Variants in MEIKIN observed in about 807,000 individuals in gnomAD.
MEIKIN encodes the protein meiotic kinetochore factor, also known as meiosis-specific kinetochore protein.
intron 4 of MEIKIN, among the ~76,000 whole-genome samples, chr5:131,939,788 T>C (rs1428527206): frequency 1.3e-5 from 2 of 152,214 alleles, no homozygotes; most frequent in Non-Finnish European, 1.5e-5. Context: ...TAGAGACAAC[T>C]AATTTTCTAT....
intron 11 of MEIKIN, among the ~76,000 whole-genome samples, chr5:131,833,789 G>A (rs1226499694): frequency 6.6e-6 from 1 of 152,192 alleles, no homozygotes; most frequent in Non-Finnish European, 1.5e-5. Context: ...TTCAAGTTGA[G>A]ATTTGGGTGG....
chr5:131,908,778 G>A (rs1350855455), intron 8 of MEIKIN, among the ~76,000 whole-genome samples: 1 of 152,130 alleles, frequency 6.6e-6, no homozygotes, highest in Non-Finnish European at 1.5e-5. Flanking sequence ...ATTTTCATAT[G>A]CCAACTGTGA....
chr5:131,895,692 T>C (rs1333278743), intron 8 of MEIKIN, among the ~76,000 whole-genome samples: 1 of 152,222 alleles, frequency 6.6e-6, no homozygotes, highest in African/African-American at 2.4e-5. Flanking sequence ...GTTTATATTA[T>C]TTTCTGATAG....
At chr5:131,834,792 T>C (rs777529332) in intron 11 of MEIKIN, among the ~76,000 whole-genome samples, 15 of 152,212 alleles carry the variant, frequency 9.9e-5, no homozygotes, top group Admixed American at 6.5e-4. Context: ...CTCTTTGAGA[T>C]ACCGATTTCA....
intron 8 of MEIKIN, among the ~76,000 whole-genome samples, chr5:131,904,947 G>C (rs777758652): frequency 3.3e-5 from 5 of 152,032 alleles, no homozygotes; most frequent in Non-Finnish European, 7.4e-5. Context: ...AGAACACATG[G>C]ACACAGGGAG....
intron 8 of MEIKIN, among the ~76,000 whole-genome samples, chr5:131,894,810 G>T (rs988865983): frequency 1.3e-5 from 2 of 152,124 alleles, no homozygotes; most frequent in Non-Finnish European, 2.9e-5. Flanking sequence ...CTGTGACGAT[G>T]GGGTTTTCTA....
chr5:131,922,702 T>C (rs935697502), intron 5 of MEIKIN, among the ~76,000 whole-genome samples: 2 of 152,146 alleles, frequency 1.3e-5, no homozygotes, highest in Non-Finnish European at 2.9e-5. Context: ...TATTCGCCCA[T>C]CCCCACCTTT....
At chr5:131,890,892 G>A (rs1273460558) in intron 8 of MEIKIN, among the ~76,000 whole-genome samples, 3 of 152,170 alleles carry the variant, frequency 2.0e-5, no homozygotes, top group Non-Finnish European at 4.4e-5. Context: ...TTTTGTATGT[G>A]TCCCAGAGAG....
rs145676289 is a variant in MEIKIN, at chr5:131,839,156, T to C, written c.975+12108A>G. Among the ~76,000 whole-genome samples the C allele has an allele frequency of 3.0e-3, 454 of 152,336 alleles. 7 individuals carry two copies. Among genetic ancestry groups the C allele is most frequent in the Non-Finnish European group, 3.4e-3 (231 of 68,024 alleles). On this transcript the variant is annotated intron_variant, in intron 11 of 12. Transcript: ENST00000442687. ...GGTTATTCAATTCCATGTAATTGTA[T>C]GGTTTTGAACTATTTTATTTGTCTT...
chr5:131,837,467 T>A (rs1028603245), intron 11 of MEIKIN, among the ~76,000 whole-genome samples: 5 of 152,154 alleles, frequency 3.3e-5, no homozygotes, highest in Non-Finnish European at 7.4e-5. Flanking sequence ...ATGTTAACGA[T>A]GTTGATTCTT....
At chr5:131,841,986 T>C (rs548553838) in intron 11 of MEIKIN, among the ~76,000 whole-genome samples, 1 of 152,236 alleles carries the variant, frequency 6.6e-6, no homozygotes, top group Admixed American at 6.5e-5. Context: ...AATCATGTCA[T>C]CTACAGAGAC....
Position 131,884,560 on chromosome 5 carries a change from G to C in MEIKIN, c.704-5512C>G, listed in dbSNP as rs144058905. The stretch of plus-strand genomic sequence containing the variant: ...ACCAGGTAGTATACCATGGCCCTTG[G>C]GTGAGACTCTGAGACTGGCTGCAAG... On this transcript the variant is annotated intron_variant, in intron 8 of 12. Transcript: ENST00000442687. Among the ~76,000 whole-genome samples, 481 of 151,534 alleles carry C rather than the reference G, an allele frequency of 3.2e-3. 3 individuals are homozygous for C. The highest frequency in any genetic ancestry group is 0.011 in the African/African-American group (458 of 41,298).
intron 11 of MEIKIN, among the ~76,000 whole-genome samples, chr5:131,843,944 A>C (rs1749964629): frequency 6.6e-6 from 1 of 152,218 alleles, no homozygotes; most frequent in Non-Finnish European, 1.5e-5. Context: ...TGGGTAGTTT[A>C]TAAAGAGAAG....
chr5:131,923,245 C>A (rs1162283928), intron 5 of MEIKIN, among the ~76,000 whole-genome samples: 1 of 152,144 alleles, frequency 6.6e-6, no homozygotes, highest in Non-Finnish European at 1.5e-5. Context: ...TAAATCCATT[C>A]CATTTATTCC....
chr5:131,941,539 G>GT (rs199885020), intron 4 of MEIKIN, among the ~76,000 whole-genome samples: 370 of 151,934 alleles, frequency 2.4e-3, no homozygotes, highest in Non-Finnish European at 4.3e-3. Flanking sequence ...CTCTGCAGTG[G>GT]TTTTTTTTCC....
At chr5:131,894,701 G>T (rs935439351) in intron 8 of MEIKIN, among the ~76,000 whole-genome samples, 1 of 152,130 alleles carries the variant, frequency 6.6e-6, no homozygotes, top group African/African-American at 2.4e-5. Context: ...CTCCCTGTTT[G>T]TCTGTTATTG....
At chr5:131,863,313 G>C (rs186849284) in intron 9 of MEIKIN, among the ~76,000 whole-genome samples, 113 of 152,256 alleles carry the variant, frequency 7.4e-4, no homozygotes, top group South Asian at 6.2e-3. Context: ...GGTCCATTTG[G>C]TCTAAAGTCC....
intron 8 of MEIKIN, among the ~76,000 whole-genome samples, chr5:131,902,066 C>T (rs76876329): frequency 0.11 from 17,128 of 152,216 alleles, 1,235 homozygotes; most frequent in East Asian, 0.3. Flanking sequence ...CCTCCTCCCT[C>T]TCCCTGTCTC....
chr5:131,877,133 A>G (rs184155125), intron 9 of MEIKIN, among the ~76,000 whole-genome samples: 108 of 152,280 alleles, frequency 7.1e-4, no homozygotes, highest in Middle Eastern at 3.4e-3. Context: ...TGTACCTACA[A>G]GTTAAAGTAT....
Sources: gnomAD v4.1 joint callset for allele counts (sites outside exome capture counted in the v4.1 genomes callset) on GRCh38, gnomAD v4.1.1 for gene constraint, MANE v1.5 for transcripts, NCBI Gene and HGNC (gene_info 2026-07-23, HGNC 2026-07-21) for gene names.